The following ZMIZ1 variants were observed in gnomAD, a reference collection of about 807,000 sequenced individuals.
ZMIZ1 encodes zinc finger MIZ-type containing 1.
A neutral mutation model predicts 113.9 loss-of-function variants in ZMIZ1; 17 were observed. That is an observed-to-expected ratio of 0.15 (90% confidence interval 0.10 to 0.22). The LOEUF is 0.22. Ranked by LOEUF, ZMIZ1 falls within the 10% of genes least tolerant of loss-of-function variation. The pLI is 1.00. For synonymous variants in ZMIZ1, 607 were observed against 603.1 expected, an observed-to-expected ratio of 1.01 and a Z score of -0.09; for missense variants, 1,059 against 1,477.8, an observed-to-expected ratio of 0.72 and a Z score of 4.65.
chr10:79,218,601 GTGTGTC>G (rs1348501575), intron 7 of ZMIZ1, among the ~76,000 whole-genome samples: 1 of 151,378 alleles, frequency 6.6e-6, no homozygotes, highest in African/African-American at 2.4e-5. Flanking sequence ...GTGTGTGTGT[GTGTGTC>G]TGTCTGTCTG....
chr10:79,304,085 G>A lies in ZMIZ1; in HGVS notation c.2196G>A (p.Glu732=). 1 of 1,614,226 alleles carries A rather than the reference G, an allele frequency of 6.2e-7. No homozygotes were observed. The highest frequency in any genetic ancestry group is 1.3e-5 in the African/African-American group (1 of 75,064). The change falls in exon 19 of 25, where the codon GAG becomes GAA. Residue 732 remains glutamate (E), a synonymous_variant. Coordinates refer to ENST00000334512, the MANE Select transcript of ZMIZ1 (RefSeq NM_020338.4). ...NTTLNGEDGV[E]QTAIKVSLKC... ...CCCTCAACGGGGAGGATGGGGTGGA[G>A]CAGACGGCCATCAAGGTGTCTCTGA...
chr10:79,312,810 CT>C lies in ZMIZ1; in HGVS notation c.*65del. On this transcript the variant is annotated 3_prime_UTR_variant, in exon 25 of 25. Coordinates refer to ENST00000334512, the MANE Select transcript of ZMIZ1 (RefSeq NM_020338.4). ...CATCCTACCCCACCTACCCAACACA[CT>C]TTTCCACCTGGGAGCCTGTGCCCTC... is the stretch of plus-strand genomic sequence containing the variant. The C allele has an allele frequency of 6.5e-7, 1 of 1,534,654 alleles. No individual in the cohort carries two copies. The highest frequency in any genetic ancestry group is 9.0e-7 in the Non-Finnish European group (1 of 1,110,268).
At chr10:79,274,972 C>T (rs1564572234) in intron 7 of ZMIZ1, among the ~76,000 whole-genome samples, 3 of 152,230 alleles carry the variant, frequency 2.0e-5, no homozygotes, top group African/African-American at 7.2e-5. Flanking sequence ...GTGGGGCGGG[C>T]AGCAGGCGGC....
chr10:79,221,629 C>T (rs1007851969), intron 7 of ZMIZ1, among the ~76,000 whole-genome samples: 1 of 152,180 alleles, frequency 6.6e-6, no homozygotes, highest in African/African-American at 2.4e-5. Context: ...CAGTCCCACG[C>T]CTGCTGGCAA....
intron 2 of ZMIZ1, among the ~76,000 whole-genome samples, chr10:79,132,360 G>A (rs888060792): frequency 1.3e-5 from 2 of 151,988 alleles, no homozygotes; most frequent in African/African-American, 2.4e-5. Context: ...CTTTTCGGCC[G>A]GGCTTTCTGT....
At chr10:79,101,161 G>C (rs1843352647) in intron 1 of ZMIZ1, among the ~76,000 whole-genome samples, 1 of 152,126 alleles carries the variant, frequency 6.6e-6, no homozygotes, top group South Asian at 2.1e-4. Context: ...GCATACAGTT[G>C]AAGCTCTTTG....
At chr10:79,154,064 G>C (rs1845808311) in intron 3 of ZMIZ1, among the ~76,000 whole-genome samples, 1 of 152,188 alleles carries the variant, frequency 6.6e-6, no homozygotes, top group African/African-American at 2.4e-5. Context: ...GCCAATCATG[G>C]GTATGATGTC....
intron 7 of ZMIZ1, chr10:79,216,534 T>C (rs1848737920): frequency 2.4e-5 from 8 of 329,380 alleles, no homozygotes; most frequent in Non-Finnish European, 2.2e-5. Flanking sequence ...AACCCAGCAG[T>C]AGGCACTGTG....
chr10:79,290,925 G>A (rs1321226673), intron 9 of ZMIZ1, 34 bp from the exon 10 acceptor site: 1 of 1,607,630 alleles, frequency 6.2e-7, no homozygotes, highest in Non-Finnish European at 8.5e-7. Context: ...GCCTCGGGTA[G>A]CACCTTAGGT....
chr10:79,096,521 G>A (rs905963665), intron 1 of ZMIZ1, among the ~76,000 whole-genome samples: 1 of 145,470 alleles, frequency 6.9e-6, no homozygotes, highest in African/African-American at 2.4e-5. Flanking sequence ...CAAAAGAAAA[G>A]AAAAGAAAAG....
rs1245164358 is a variant in ZMIZ1, at chr10:79,201,837, G to C, written c.60+145G>C. Reference sequence around the variant, plus strand: ...AGGCCGTTATTGGCATGCTGGCACTGACCAGCCTAATGCTGGAATCACATG... The same window carrying C: ...AGGCCGTTATTGGCATGCTGGCACTCACCAGCCTAATGCTGGAATCACATG... On this transcript the variant is annotated intron_variant, in intron 5 of 24. Coordinates refer to ENST00000334512, the MANE Select transcript of ZMIZ1 (RefSeq NM_020338.4). 5.8e-6 allele frequency: 5 copies of C among 856,444 alleles called. No homozygotes were observed. The Admixed American group carries it at 6.3e-5, about 11-fold the overall frequency. The allele number at this position is 856,444 out of a possible 1,614,324, so 53.1% of individuals were successfully genotyped here.
At position 79,302,094 on chromosome 10, in the gene ZMIZ1, T is replaced by C. The variant is rs941303311; in HGVS notation, c.2020-13T>C. The C allele has an allele frequency of 6.2e-7, 1 of 1,612,896 alleles. No individual in the cohort carries two copies. Among genetic ancestry groups the C allele is most frequent in the Non-Finnish European group, 8.5e-7 (1 of 1,179,500 alleles). ...CAGTGCACAGGAACTGAGTGTCTCCTCTCTCCCCGCAGTCCCACCTCTTCG... is the reference window on the plus strand; with the variant it reads ...CAGTGCACAGGAACTGAGTGTCTCCCCTCTCCCCGCAGTCCCACCTCTTCG... On this transcript the variant is annotated splice_polypyrimidine_tract_variant and intron_variant, in intron 17 of 24. Coordinates refer to ENST00000334512, the MANE Select transcript of ZMIZ1 (RefSeq NM_020338.4).
chr10:79,306,950 C>G (rs1233007792), intron 22 of ZMIZ1, among the ~76,000 whole-genome samples: 1 of 152,352 alleles, frequency 6.6e-6, no homozygotes, highest in East Asian at 1.9e-4. Context: ...GTGGAGGGCA[C>G]AGTGACCAGG....
chr10:79,185,177 T>C (rs1847301304), intron 4 of ZMIZ1, among the ~76,000 whole-genome samples: 1 of 152,158 alleles, frequency 6.6e-6, no homozygotes, highest in African/African-American at 2.4e-5. Flanking sequence ...ACTTCTCTGT[T>C]GCCAGGGAAA....
intron 1 of ZMIZ1, among the ~76,000 whole-genome samples, chr10:79,073,252 G>A (rs1418930819): frequency 2.0e-5 from 3 of 152,212 alleles, no homozygotes; most frequent in Non-Finnish European, 4.4e-5. Context: ...CTGGGAGAAT[G>A]AGGCAGATGT....
chr10:79,149,060 G>A (rs551989523), intron 3 of ZMIZ1, among the ~76,000 whole-genome samples: 11 of 152,306 alleles, frequency 7.2e-5, no homozygotes, highest in South Asian at 2.1e-4. Context: ...AGGAGCTCCC[G>A]GAGCCAGGAG....
intron 4 of ZMIZ1, among the ~76,000 whole-genome samples, chr10:79,177,137 G>C (rs1846905731): frequency 6.6e-6 from 1 of 152,204 alleles, no homozygotes. Context: ...CGCCTGGCAG[G>C]GACCTGTAAA....
At chr10:79,198,186 G>A (rs1161394633) in intron 4 of ZMIZ1, among the ~76,000 whole-genome samples, 1 of 152,192 alleles carries the variant, frequency 6.6e-6, no homozygotes, top group East Asian at 1.9e-4. Context: ...GTGAACCCGG[G>A]AGGCAGAGCT....
At chr10:79,092,749 A>G (rs1843024246) in intron 1 of ZMIZ1, among the ~76,000 whole-genome samples, 1 of 152,180 alleles carries the variant, frequency 6.6e-6, no homozygotes, top group Non-Finnish European at 1.5e-5. Context: ...TCTCCCAGCA[A>G]GCCTTGCACA....
Sources: allele counts gnomAD v4.1 joint callset (sites outside exome capture counted in the v4.1 genomes callset), GRCh38; gene constraint gnomAD v4.1.1; transcripts MANE v1.5; gene names NCBI Gene and HGNC (gene_info 2026-07-23, HGNC 2026-07-21).